Variants in PUM2 observed in about 807,000 individuals in gnomAD.
The protein encoded by PUM2 is pumilio homolog 2.
In PUM2, 57 loss-of-function variants were observed where a neutral mutation model predicts 124.5. The observed-to-expected ratio is 0.46, with a 90% CI of 0.37 to 0.57. The LOEUF (loss-of-function observed/expected upper bound fraction) is 0.57, where lower values mean the gene tolerates loss of function less well. PUM2 is among the 20% of genes least tolerant of loss of function. PUM2 has a pLI of 0.00. For missense variants in PUM2, 1,065 were observed against 1,290.6 expected (o/e 0.83, Z 2.68); for synonymous variants, 460 against 446.1 (o/e 1.03, Z -0.39).
At chr2:20,314,130 G>A (rs1680322867) in intron 3 of PUM2, among the ~76,000 whole-genome samples, 1 of 152,050 alleles carries the variant, frequency 6.6e-6, no homozygotes, top group Non-Finnish European at 1.5e-5. Flanking sequence ...TGGGTGACAT[G>A]AGACCCTGCT....
intron 1 of PUM2, among the ~76,000 whole-genome samples, chr2:20,340,373 T>C (rs955922593): frequency 1.3e-5 from 2 of 152,252 alleles, no homozygotes; most frequent in Admixed American, 6.5e-5. Context: ...AGATGTGGGA[T>C]GGATCAGAGT....
intron 13 of PUM2, among the ~76,000 whole-genome samples, chr2:20,273,320 CA>C (rs1669469543): frequency 6.6e-6 from 1 of 152,210 alleles, no homozygotes; most frequent in Non-Finnish European, 1.5e-5. Flanking sequence ...AAACTGTTCA[CA>C]TCCTTGTGAA....
chr2:20,253,268 T>C (rs895935423), intron 20 of PUM2, among the ~76,000 whole-genome samples: 2 of 152,198 alleles, frequency 1.3e-5, no homozygotes, highest in Non-Finnish European at 2.9e-5. Context: ...TGCACTGGCA[T>C]GAACACAGCC....
chr2:20,262,329 C>T (rs1666500171), intron 14 of PUM2, among the ~76,000 whole-genome samples: 1 of 152,156 alleles, frequency 6.6e-6, no homozygotes, highest in Non-Finnish European at 1.5e-5. Flanking sequence ...ATCTTTTATA[C>T]TATAGTTTAA....
chr2:20,344,982 CAAAAAA>C (rs762460030), intron 1 of PUM2, among the ~76,000 whole-genome samples: 4,396 of 66,210 alleles, frequency 0.066, 73 homozygotes, highest in Middle Eastern at 0.14. Context: ...GACTCTGTCT[CAAAAAA>C]AAAAAAAAAA....
intron 1 of PUM2, among the ~76,000 whole-genome samples, chr2:20,348,192 G>C (rs1294056030): frequency 6.7e-6 from 1 of 150,004 alleles, no homozygotes; most frequent in Non-Finnish European, 1.5e-5. Flanking sequence ...TAATAATAAA[G>C]AAAAAAAGCA....
At position 20,336,748 on chromosome 2, in the gene PUM2, CTGTGTGTGTGTGTGTGTGTGTGTG is replaced by C. The variant is rs70939037; in HGVS notation, c.-18-9394_-18-9371del. On this transcript the variant is annotated intron_variant, in intron 1 of 20. Transcript: ENST00000361078. ...GTCTCACCATGTTGCCCAGGCTGAT[CTGTGTGTGTGTGTGTGTGTGTGTG>C]TGTGTGTGTGTGTGTGTGTGTGTGT... Among the ~76,000 whole-genome samples the C allele has an allele frequency of 5.8e-3, 561 of 97,500 alleles. 9 individuals carry two copies. Among genetic ancestry groups the C allele is most frequent in the East Asian group, 6.7e-3 (21 of 3,132 alleles). 64.0% of individuals were successfully genotyped at this position (97,500 alleles called of 152,430 possible). A position where few individuals can be genotyped will look rare whatever the true frequency, so the allele number is the denominator to read the frequency against.
chr2:20,292,903 G>C (rs947305171), intron 9 of PUM2, among the ~76,000 whole-genome samples: 1 of 151,914 alleles, frequency 6.6e-6, no homozygotes, highest in African/African-American at 2.4e-5. Flanking sequence ...CTCCAGTCTG[G>C]GCAACAAGAG....
intron 1 of PUM2, among the ~76,000 whole-genome samples, chr2:20,339,828 C>T (rs1686881468): frequency 6.6e-6 from 1 of 151,982 alleles, no homozygotes; most frequent in East Asian, 1.9e-4. Flanking sequence ...TACAGTGAGC[C>T]GAGATCATGT....
chr2:20,253,866 T>C lies in PUM2; in HGVS notation c.3019A>G (p.Ile1007Val), dbSNP rs1664102246. The stretch of plus-strand genomic sequence containing the variant: ...CTCTGAGCAGGTTCAGCCATATCAA[T>C]CATCTTTTGAACCACGTAATTGGCA... ...QYANYVVQKMIDMAEPAQRKI... is the reference protein window; with the variant it reads ...QYANYVVQKMVDMAEPAQRKI... The change falls in exon 20 of 21, where the codon ATT (isoleucine) becomes GTT (valine). Residue 1007 changes from isoleucine (I) to valine (V), a missense_variant. This residue lies in a region of PUM2 where 968 missense variants were observed against 1,159.8 expected (regional missense o/e 0.83). Coordinates refer to ENST00000361078, the MANE Select transcript of PUM2 (RefSeq NM_015317.5). 2 of 1,614,032 alleles carry C rather than the reference T, an allele frequency of 1.2e-6. No individual in the cohort carries two copies. Among genetic ancestry groups the C allele is most frequent in the Non-Finnish European group, 1.7e-6 (2 of 1,179,896 alleles).
In PUM2 at chr2:20,312,393, T is replaced by C; in HGVS notation, c.191A>G (p.Gln64Arg). 6.2e-7 allele frequency: 1 copy of C among 1,613,802 alleles called. No individual in the cohort carries two copies. Among genetic ancestry groups the C allele is most frequent in the Non-Finnish European group, 8.5e-7 (1 of 1,179,800 alleles). Residue 64 changes from glutamine (Q) to arginine (R), a missense_variant, in exon 4 of 21, where the codon CAG becomes CGG. By Grantham distance (43) the Gln-to-Arg change is conservative. Around this residue, in one of 3 missense-constraint regions of PUM2, gnomAD observed 90 missense variants for 103.6 expected, o/e 0.87. Coordinates refer to ENST00000361078, the MANE Select transcript of PUM2 (RefSeq NM_015317.5). ...ATGAAAACCCTGTCCAGATCTTCTC[T>C]GTACCATAATAGGCTGGGACATTGA... ...HHSMSQPIMV[Q>R]RRSGQGFHGN... is the part of the protein sequence containing the mutation.
In PUM2 at chr2:20,343,639, G is replaced by C. The variant is rs139796142; in HGVS notation, c.-19+6958C>G. The stretch of plus-strand genomic sequence containing the variant: ...AATTTCTGTTGGGCATGGTGGCTTG[G>C]ACCTATAATCCCAGCACTTTAGGAG... On this transcript the variant is annotated intron_variant, in intron 1 of 20. Transcript: ENST00000361078. Among the ~76,000 whole-genome samples, 1,082 of 152,160 alleles carry C rather than the reference G, an allele frequency of 7.1e-3. 19 individuals carry two copies. The highest frequency in any genetic ancestry group is 0.025 in the African/African-American group (1,044 of 41,500).
intron 1 of PUM2, among the ~76,000 whole-genome samples, chr2:20,340,983 C>T (rs1687111858): frequency 6.6e-6 from 1 of 152,184 alleles, no homozygotes; most frequent in African/African-American, 2.4e-5. Flanking sequence ...ATTAATGACA[C>T]ATCAAACTGA....
intron 1 of PUM2, among the ~76,000 whole-genome samples, chr2:20,339,990 TA>T (rs370989174): frequency 0.07 from 10,172 of 144,974 alleles, 499 homozygotes; most frequent in African/African-American, 0.15. Context: ...TTCCTCAATG[TA>T]AAAAAAAAAA....
intron 7 of PUM2, among the ~76,000 whole-genome samples, chr2:20,307,148 G>A (rs533576705): frequency 3.9e-5 from 6 of 152,168 alleles, no homozygotes; most frequent in African/African-American, 1.2e-4. Context: ...CCCAGAAGGC[G>A]GAGGCTGAAG....
rs1217442003 is a variant in PUM2 at position 20,260,324 on chromosome 2, C to T, written c.2355+13G>A. On this transcript the variant is annotated intron_variant, in intron 15 of 20. Coordinates refer to ENST00000361078, the MANE Select transcript of PUM2 (RefSeq NM_015317.5). The stretch of plus-strand genomic sequence containing the variant: ...CTGGATGGGCGGATATACAAATATG[C>T]ATGAATCCTTACCTCAAAAAACTTC... The T allele has an allele frequency of 1.9e-6, 3 of 1,600,932 alleles. No homozygotes were observed. Among genetic ancestry groups the T allele is most frequent in the East Asian group, 2.2e-5 (1 of 44,484 alleles).
chr2:20,343,887 C>T (rs62124601), intron 1 of PUM2, among the ~76,000 whole-genome samples: 5,240 of 152,162 alleles, frequency 0.034, 88 homozygotes, highest in Middle Eastern at 0.068. Context: ...AGTGACTGCA[C>T]CACTGCACTC....
chr2:20,342,487 G>C (rs1258528273), intron 1 of PUM2, among the ~76,000 whole-genome samples: 2 of 152,086 alleles, frequency 1.3e-5, no homozygotes, highest in Non-Finnish European at 2.9e-5. Flanking sequence ...TAACTTTTCT[G>C]TAAATGTTAA....
At chr2:20,264,839 TA>T (rs1342231020) in intron 13 of PUM2, among the ~76,000 whole-genome samples, 1 of 152,192 alleles carries the variant, frequency 6.6e-6, no homozygotes, top group Non-Finnish European at 1.5e-5. Context: ...CAGAGAGCAG[TA>T]AAACAGTCAA....
Sources: allele counts gnomAD v4.1 joint callset (sites outside exome capture counted in the v4.1 genomes callset), GRCh38; gene constraint gnomAD v4.1.1; regional missense constraint gnomAD v4.1.1; transcripts MANE v1.5; gene names NCBI Gene and HGNC (gene_info 2026-07-23, HGNC 2026-07-21).